Variants in CTNNA3 observed in about 807,000 individuals in gnomAD.
The protein encoded by CTNNA3 is catenin alpha 3.
A neutral mutation model predicts 95.7 loss-of-function variants in CTNNA3; 76 were observed. The observed-to-expected ratio is 0.79, with a 90% confidence interval of 0.66 to 0.96. The LOEUF (loss-of-function observed/expected upper bound fraction) is 0.96, where lower values mean the gene tolerates loss of function less well. Among genes scored for constraint, CTNNA3 ranks in the 40% least tolerant of loss-of-function variants. The pLI is 0.00. For synonymous variants in CTNNA3, 431 were observed against 374.4 expected, an observed-to-expected ratio of 1.15 and a Z score of -1.74; for missense variants, 1,191 against 1,089.8, an observed-to-expected ratio of 1.09 and a Z score of -1.31.
intron 7 of CTNNA3, among the ~76,000 whole-genome samples, chr10:67,121,056 G>A (rs1439376382): frequency 6.6e-6 from 1 of 152,004 alleles, no homozygotes; most frequent in Admixed American, 6.6e-5. Context: ...CACTGAGCAA[G>A]ATTCCAAAAC....
chr10:66,830,664 C>T (rs1300184209), intron 7 of CTNNA3, among the ~76,000 whole-genome samples: 1 of 151,512 alleles, frequency 6.6e-6, no homozygotes, highest in Admixed American at 6.6e-5. Context: ...GGCTGGAGTG[C>T]AGTGGTGCGA....
chr10:67,547,900 A>G (rs1840894348), intron 3 of CTNNA3, among the ~76,000 whole-genome samples: 1 of 152,242 alleles, frequency 6.6e-6, no homozygotes, highest in Non-Finnish European at 1.5e-5. Context: ...ATAAATGATC[A>G]TATCTCATGC....
At chr10:66,389,117 C>T (rs1469229208) in intron 11 of CTNNA3, among the ~76,000 whole-genome samples, 5 of 152,104 alleles carry the variant, frequency 3.3e-5, no homozygotes, top group Non-Finnish European at 2.9e-5. Context: ...ACCTTGTATA[C>T]AACTTCCTAC....
chr10:66,335,966 A>T (rs570524286), intron 12 of CTNNA3, among the ~76,000 whole-genome samples: 1 of 152,072 alleles, frequency 6.6e-6, no homozygotes, highest in Non-Finnish European at 1.5e-5. Flanking sequence ...GCTGCCTTGC[A>T]GTTTGATCTC....
At chr10:66,790,387 G>A (rs1242331160) in intron 7 of CTNNA3, among the ~76,000 whole-genome samples, 8 of 152,056 alleles carry the variant, frequency 5.3e-5, no homozygotes, top group Non-Finnish European at 1.0e-4. Context: ...GTTGCAGTGA[G>A]CCGAGATAAC....
At chr10:66,866,868 T>C (rs9299484) in intron 7 of CTNNA3, among the ~76,000 whole-genome samples, 82,761 of 152,018 alleles carry the variant, frequency 0.54, 23,177 homozygotes, top group East Asian at 0.87. Flanking sequence ...CATCTTAAAT[T>C]GTAGCTCCCA....
intron 7 of CTNNA3, among the ~76,000 whole-genome samples, chr10:66,996,855 G>A (rs906473252): frequency 9.2e-5 from 14 of 151,968 alleles, no homozygotes; most frequent in African/African-American, 3.4e-4. Context: ...ACAATTCCAT[G>A]TGAACTAACA....
At chr10:66,190,661 T>C (rs1336983275) in intron 13 of CTNNA3, among the ~76,000 whole-genome samples, 1 of 152,148 alleles carries the variant, frequency 6.6e-6, no homozygotes, top group African/African-American at 2.4e-5. Flanking sequence ...CCCTTATGCA[T>C]GTTTCGTTTG....
At chr10:66,621,583 C>T (rs1844749285) in intron 10 of CTNNA3, 109 bp downstream of exon 10, 1 of 604,576 alleles carries the variant, frequency 1.7e-6, no homozygotes, top group Non-Finnish European at 2.8e-6. Context: ...CAGAGCGAGA[C>T]CTGGTCTCAA....
At chr10:66,887,408 T>A (rs1028961227) in intron 7 of CTNNA3, among the ~76,000 whole-genome samples, 9 of 152,100 alleles carry the variant, frequency 5.9e-5, no homozygotes, top group Non-Finnish European at 2.9e-5. Context: ...AAAGAAAAAG[T>A]CTAGTATTAG....
At chr10:67,156,246 A>AT (rs1199727969) in intron 7 of CTNNA3, among the ~76,000 whole-genome samples, 1 of 151,352 alleles carries the variant, frequency 6.6e-6, no homozygotes, top group Non-Finnish European at 1.5e-5. Flanking sequence ...AGTTTCAATG[A>AT]TTTTTTTCTA....
intron 12 of CTNNA3, among the ~76,000 whole-genome samples, chr10:66,333,800 CGTT>C (rs1436001022): frequency 2.6e-5 from 4 of 151,204 alleles, no homozygotes; most frequent in Non-Finnish European, 5.9e-5. Flanking sequence ...CTTTCTGTCT[CGTT>C]GATCTGTCTA....
intron 7 of CTNNA3, among the ~76,000 whole-genome samples, chr10:67,127,973 C>T (rs1859802556): frequency 6.6e-6 from 1 of 152,108 alleles, no homozygotes; most frequent in Middle Eastern, 3.2e-3. Flanking sequence ...CACATCTTTA[C>T]TACCCATGTT....
intron 15 of CTNNA3, among the ~76,000 whole-genome samples, chr10:66,021,852 C>CTTTTTTTGTTTTTTTTTTTTTTTTT (rs2079220048): frequency 1.3e-5 from 1 of 75,952 alleles, no homozygotes; most frequent in Non-Finnish European, 2.4e-5. Flanking sequence ...AGGATCTTGG[C>CTTTTTTTGTTTTTTTTTTTTTTTTT]TTTTTTTTTT....
chr10:67,650,770 G>A (rs992908858), intron 1 of CTNNA3, among the ~76,000 whole-genome samples: 4 of 152,116 alleles, frequency 2.6e-5, no homozygotes, highest in Non-Finnish European at 5.9e-5. Context: ...CACGAACCAC[G>A]TTGTGTTTTC....
intron 2 of CTNNA3, among the ~76,000 whole-genome samples, chr10:67,635,992 C>T (rs1564798458): frequency 6.6e-6 from 1 of 152,064 alleles, no homozygotes. Flanking sequence ...AATCACCGTG[C>T]AAAAATTGCT....
At chr10:66,431,312 T>C (rs1014029801) in intron 11 of CTNNA3, among the ~76,000 whole-genome samples, 2 of 152,138 alleles carry the variant, frequency 1.3e-5, no homozygotes, top group African/African-American at 4.8e-5. Flanking sequence ...TGTAAACTAG[T>C]TCAACCATTG....
chr10:66,731,725 C>A (rs1293536123), intron 9 of CTNNA3, among the ~76,000 whole-genome samples: 1 of 152,154 alleles, frequency 6.6e-6, no homozygotes, highest in Non-Finnish European at 1.5e-5. Flanking sequence ...TGGTGTATTG[C>A]ACATGCTTTT....
chr10:66,072,106 C>T (rs2080449222), intron 14 of CTNNA3, among the ~76,000 whole-genome samples: 1 of 152,180 alleles, frequency 6.6e-6, no homozygotes, highest in South Asian at 2.1e-4. Context: ...ATAAACAAAT[C>T]AGTGTGTCTC....
Sources: allele counts gnomAD v4.1 joint callset (sites outside exome capture counted in the v4.1 genomes callset), GRCh38; gene constraint gnomAD v4.1.1; transcripts MANE v1.5; gene names NCBI Gene and HGNC (gene_info 2026-07-23, HGNC 2026-07-21).